Variants in GRM7 observed in about 807,000 individuals in gnomAD.
GRM7 encodes metabotropic glutamate receptor 7.
A neutral mutation model predicts 84.5 loss-of-function variants in GRM7; 35 were observed. That is an observed-to-expected ratio of 0.41 (90% CI 0.32 to 0.55). GRM7 has a LOEUF of 0.55. Ranked by LOEUF, GRM7 falls within the 20% of genes least tolerant of loss-of-function variation. The pLI is 0.19. For synonymous variants in GRM7, 487 were observed against 455.1 expected, an observed-to-expected ratio of 1.07 and a Z score of -0.89; for missense variants, 1,003 against 1,194.6, an observed-to-expected ratio of 0.84 and a Z score of 2.36.
Position 7,089,717 on chromosome 3 carries a change from T to C in GRM7, c.520-56735T>C, listed in dbSNP as rs192006705. ...ATCTTTGACAACCTTACATTTTTAG[T>C]TGTCAAAGAGAAAGATACCAAGAAG... On this transcript the variant is annotated intron_variant, in intron 1 of 9. Coordinates refer to ENST00000357716, the MANE Select transcript of GRM7 (RefSeq NM_000844.4). 1.0e-3 allele frequency among the ~76,000 whole-genome samples: 152 copies of C among 152,296 alleles called. 2 individuals carry two copies. The highest frequency in any genetic ancestry group is 7.5e-3 in the Admixed American group (115 of 15,304).
intron 7 of GRM7, among the ~76,000 whole-genome samples, chr3:7,525,171 C>G (rs568349842): frequency 8.6e-5 from 13 of 151,460 alleles, no homozygotes; most frequent in African/African-American, 3.2e-4. Context: ...TGCTAAATGA[C>G]GAGTTAATGG....
At chr3:7,680,508 C>A in intron 9 of GRM7, 1 of 555,926 alleles carries the variant, frequency 1.8e-6, no homozygotes, top group Non-Finnish European at 3.2e-6. Context: ...CTTTTGGAGG[C>A]TCTGCTTCAG....
chr3:7,052,209 A>G (rs976460409), intron 1 of GRM7, among the ~76,000 whole-genome samples: 2 of 151,580 alleles, frequency 1.3e-5, no homozygotes, highest in Non-Finnish European at 3.0e-5. Context: ...GATCATTTTC[A>G]TTTTTAAAGA....
intron 9 of GRM7, among the ~76,000 whole-genome samples, chr3:7,723,192 A>G (rs987825537): frequency 2.0e-5 from 3 of 152,214 alleles, no homozygotes; most frequent in African/African-American, 7.2e-5. Flanking sequence ...CAACATAATC[A>G]TAATACCATT....
At chr3:7,571,857 G>A (rs1485217231) in intron 7 of GRM7, among the ~76,000 whole-genome samples, 1 of 151,562 alleles carries the variant, frequency 6.6e-6, no homozygotes, top group African/African-American at 2.4e-5. Flanking sequence ...ACATGACTGG[G>A]GAGGCCTCAC....
chr3:6,952,174 G>T (rs984394229), intron 1 of GRM7, among the ~76,000 whole-genome samples: 18 of 152,176 alleles, frequency 1.2e-4, no homozygotes, highest in Non-Finnish European at 2.2e-4. Context: ...TTCCTTCCAA[G>T]GGTCGTTAGG....
intron 8 of GRM7, among the ~76,000 whole-genome samples, chr3:7,619,922 C>A (rs1475054321): frequency 6.6e-6 from 1 of 152,096 alleles, no homozygotes; most frequent in Non-Finnish European, 1.5e-5. Flanking sequence ...CTTCTGCAGT[C>A]CAATGACGTT....
chr3:7,702,130 C>A (rs547733394), intron 9 of GRM7, among the ~76,000 whole-genome samples: 1 of 152,318 alleles, frequency 6.6e-6, no homozygotes, highest in South Asian at 2.1e-4. Flanking sequence ...GAAGCCTCAA[C>A]AAAACTGCAA....
At chr3:6,939,850 T>C (rs938713792) in intron 1 of GRM7, among the ~76,000 whole-genome samples, 3 of 152,222 alleles carry the variant, frequency 2.0e-5, no homozygotes, top group South Asian at 2.1e-4. Context: ...GCTGTGAGTG[T>C]TAACATGTTA....
chr3:6,925,580 G>T (rs1697269769), intron 1 of GRM7, among the ~76,000 whole-genome samples: 1 of 152,136 alleles, frequency 6.6e-6, no homozygotes, highest in South Asian at 2.1e-4. Flanking sequence ...AGAACTTGAG[G>T]TCATCTCTTC....
chr3:7,303,735 A>G (rs909189375), intron 3 of GRM7, among the ~76,000 whole-genome samples: 2 of 152,072 alleles, frequency 1.3e-5, no homozygotes, highest in South Asian at 2.1e-4. Context: ...ATATAAGATT[A>G]TCTGAGTTGC....
intron 8 of GRM7, among the ~76,000 whole-genome samples, chr3:7,617,916 G>T (rs1559442804): frequency 6.6e-6 from 1 of 152,104 alleles, no homozygotes; most frequent in African/African-American, 2.4e-5. Flanking sequence ...GGCTGCAAAT[G>T]TTGCAATTAA....
chr3:7,229,759 A>ATATATTTTTT (rs1434216248), intron 2 of GRM7, among the ~76,000 whole-genome samples: 2 of 30,438 alleles, frequency 6.6e-5, no homozygotes, highest in African/African-American at 2.5e-4. Context: ...ATATATATAT[A>ATATATTTTTT]TTTTTTTTTT....
intron 5 of GRM7, 29 bp from the exon 6 acceptor site, chr3:7,452,577 TG>T: frequency 7.6e-7 from 1 of 1,321,048 alleles, no homozygotes; most frequent in Non-Finnish European, 1.1e-6. Context: ...TGTGTGTGTG[TG>T]TGTGTGTGTT....
intron 4 of GRM7, among the ~76,000 whole-genome samples, chr3:7,332,871 T>C (rs1210040981): frequency 6.6e-6 from 1 of 152,112 alleles, no homozygotes; most frequent in African/African-American, 2.4e-5. Flanking sequence ...GGATGGTTTT[T>C]TCTACCAGCC....
chr3:7,060,932 C>G lies in GRM7; in HGVS notation c.520-85520C>G, dbSNP rs962119632. On this transcript the variant is annotated intron_variant, in intron 1 of 9. Coordinates refer to ENST00000357716, the MANE Select transcript of GRM7 (RefSeq NM_000844.4). ...GAGATGCATCTTCCTCTTTCACAGTCATACTGGGTGACTGATTTATAGAAC... is the reference window on the plus strand; with the variant it reads ...GAGATGCATCTTCCTCTTTCACAGTGATACTGGGTGACTGATTTATAGAAC... 7.9e-5 allele frequency among the ~76,000 whole-genome samples: 12 copies of G among 151,898 alleles called. No homozygotes were observed. In the South Asian group the frequency reaches 1.7e-3, roughly 21 times the overall value.
At chr3:7,496,286 A>G (rs774525366) in intron 7 of GRM7, among the ~76,000 whole-genome samples, 10 of 152,218 alleles carry the variant, frequency 6.6e-5, no homozygotes, top group Admixed American at 2.0e-4. Context: ...AATGGGGACA[A>G]CTAGACACTG....
intron 7 of GRM7, among the ~76,000 whole-genome samples, chr3:7,534,953 C>T (rs376540424): frequency 5.3e-5 from 8 of 152,200 alleles, no homozygotes; most frequent in Admixed American, 4.6e-4. Context: ...AATGTACATG[C>T]GAGCTATTGC....
At chr3:7,431,862 T>A (rs141319119) in intron 5 of GRM7, among the ~76,000 whole-genome samples, 3 of 152,220 alleles carry the variant, frequency 2.0e-5, no homozygotes, top group Non-Finnish European at 4.4e-5. Flanking sequence ...TAGACTCCGT[T>A]GTAGAGAAAT....
Sources: gnomAD v4.1 joint callset for allele counts (sites outside exome capture counted in the v4.1 genomes callset) on GRCh38, gnomAD v4.1.1 for gene constraint, MANE v1.5 for transcripts, NCBI Gene and HGNC (gene_info 2026-07-23, HGNC 2026-07-21) for gene names.